Variants in DPP6 observed in about 807,000 individuals in gnomAD.
DPP6 encodes dipeptidyl peptidase like 6, also known as A-type potassium channel modulatory protein DPP6.
Under a neutral mutation model 122.6 loss-of-function variants are expected in DPP6, and 69 were observed. That is an observed-to-expected ratio of 0.56 (90% CI 0.46 to 0.69). DPP6 has a LOEUF of 0.69. Ranked by LOEUF, DPP6 falls within the 30% of genes least tolerant of loss-of-function variation. The pLI is 0.00. For missense variants in DPP6, 928 were observed against 1,116.9 expected (o/e 0.83, Z 2.41); for synonymous variants, 418 against 433.1 (o/e 0.97, Z 0.43).
rs116359758 is a variant in DPP6 at position 154,203,279 on chromosome 7, G to A, written c.243+150216G>A. Reference sequence around the variant, plus strand: ...AAATACAGGTGGGTAGTGGAATACGGAAACAATGATCCCATAAACCAGGCC... The same window carrying A: ...AAATACAGGTGGGTAGTGGAATACGAAAACAATGATCCCATAAACCAGGCC... On this transcript the variant is annotated intron_variant, in intron 1 of 25. Transcript: ENST00000377770. 3.8e-3 allele frequency among the ~76,000 whole-genome samples: 583 copies of A among 152,250 alleles called. 5 individuals are homozygous for A. Among genetic ancestry groups the A allele is most frequent in the African/African-American group, 0.013 (560 of 41,538 alleles).
intron 1 of DPP6, among the ~76,000 whole-genome samples, chr7:154,236,650 C>T (rs1206471461): frequency 1.3e-5 from 2 of 152,122 alleles, no homozygotes; most frequent in East Asian, 3.9e-4. Context: ...AATGTTTGGC[C>T]AATCCATTCC....
chr7:154,620,438 A>G (rs984196329), intron 5 of DPP6, among the ~76,000 whole-genome samples: 5 of 152,252 alleles, frequency 3.3e-5, no homozygotes, highest in Non-Finnish European at 7.3e-5. Context: ...GTGATTTCTC[A>G]AATGTTTTTG....
intron 1 of DPP6, among the ~76,000 whole-genome samples, chr7:153,890,855 C>CTT (rs11367327): frequency 8.0e-6 from 1 of 125,142 alleles, no homozygotes; most frequent in East Asian, 2.3e-4. Flanking sequence ...CCATGCCTGG[C>CTT]TTTTTTTTTT....
intron 1 of DPP6, among the ~76,000 whole-genome samples, chr7:154,148,854 C>T (rs1470594346): frequency 6.6e-6 from 1 of 152,130 alleles, no homozygotes; most frequent in Admixed American, 6.5e-5. Flanking sequence ...TTCTGGGGGA[C>T]AGTGCAGCCA....
chr7:154,365,227 T>A (rs989651020), intron 1 of DPP6, among the ~76,000 whole-genome samples: 3 of 152,130 alleles, frequency 2.0e-5, no homozygotes, highest in African/African-American at 7.2e-5. Flanking sequence ...AGCAGATACT[T>A]CTCTGGATTT....
At chr7:154,596,032 C>T (rs1005326587) in intron 5 of DPP6, among the ~76,000 whole-genome samples, 1 of 151,870 alleles carries the variant, frequency 6.6e-6, no homozygotes, top group Admixed American at 6.5e-5. Flanking sequence ...TACACTCCTG[C>T]CTGGGTGACA....
intron 11 of DPP6, 56 bp downstream of exon 11, chr7:154,794,258 C>T (rs1797871219): frequency 3.3e-6 from 5 of 1,509,076 alleles, no homozygotes; most frequent in South Asian, 1.3e-5. Context: ...TGGTCAGACG[C>T]GCCCGAGGTG....
At chr7:154,709,896 A>G (rs750668108) in intron 7 of DPP6, among the ~76,000 whole-genome samples, 5 of 152,204 alleles carry the variant, frequency 3.3e-5, no homozygotes, top group Admixed American at 6.5e-5. Flanking sequence ...GGCCTATGTC[A>G]GGGGCCTGAC....
At chr7:154,476,707 T>C (rs997408025) in intron 3 of DPP6, among the ~76,000 whole-genome samples, 3 of 152,156 alleles carry the variant, frequency 2.0e-5, no homozygotes, top group African/African-American at 7.2e-5. Context: ...AGAATGTTAG[T>C]CTTGCTAAAC....
At chr7:154,811,283 C>T in intron 16 of DPP6, among the ~76,000 whole-genome samples, 1 of 152,184 alleles carries the variant, frequency 6.6e-6, no homozygotes. Flanking sequence ...CTGTTTGAAC[C>T]TGGAAGCAGT....
At chr7:154,147,648 T>TTGTG (rs370147218) in intron 1 of DPP6, among the ~76,000 whole-genome samples, 89 of 146,476 alleles carry the variant, frequency 6.1e-4, no homozygotes, top group Admixed American at 4.8e-3. Flanking sequence ...CCCAGCTAAT[T>TTGTG]TGTGTGTGTG....
chr7:154,022,044 C>G (rs1310813823), intron 1 of DPP6, among the ~76,000 whole-genome samples: 1 of 152,088 alleles, frequency 6.6e-6, no homozygotes, highest in African/African-American at 2.4e-5. Flanking sequence ...AACTCCCCCT[C>G]TCAATGGGAG....
At chr7:153,926,208 C>A (rs912790944) in intron 1 of DPP6, among the ~76,000 whole-genome samples, 2 of 152,228 alleles carry the variant, frequency 1.3e-5, no homozygotes, top group African/African-American at 4.8e-5. Flanking sequence ...CGATCATGTA[C>A]ACCTTTCTAT....
intron 19 of DPP6, among the ~76,000 whole-genome samples, chr7:154,873,506 C>T (rs1308246938): frequency 1.3e-5 from 2 of 152,194 alleles, no homozygotes; most frequent in Non-Finnish European, 2.9e-5. Context: ...GCCAGTGCAA[C>T]TACCCCCTGA....
At chr7:154,580,176 T>C (rs61622446) in intron 5 of DPP6, among the ~76,000 whole-genome samples, 1,961 of 91,162 alleles carry the variant, frequency 0.022, 32 homozygotes, top group African/African-American at 0.05. Context: ...CACACACACA[T>C]GCACACATAC....
chr7:154,721,888 A>G (rs1255431137), intron 7 of DPP6, among the ~76,000 whole-genome samples: 1 of 152,068 alleles, frequency 6.6e-6, no homozygotes, highest in Non-Finnish European at 1.5e-5. Flanking sequence ...TCTATTGGCC[A>G]TGCACAGTGG....
intron 1 of DPP6, among the ~76,000 whole-genome samples, chr7:153,955,048 C>T (rs1269368968): frequency 4.6e-5 from 7 of 152,170 alleles, no homozygotes; most frequent in Admixed American, 4.6e-4. Flanking sequence ...CTCTGTTCGG[C>T]TAGCCAGCCT....
At chr7:154,063,267 C>G (rs866048740) in intron 1 of DPP6, among the ~76,000 whole-genome samples, 2 of 132,202 alleles carry the variant, frequency 1.5e-5, no homozygotes, top group African/African-American at 2.8e-5. Context: ...GCTCTTAGGA[C>G]CCCCATCGCA....
chr7:154,076,016 A>C (rs1425475645), intron 1 of DPP6, among the ~76,000 whole-genome samples: 1 of 151,532 alleles, frequency 6.6e-6, no homozygotes, highest in African/African-American at 2.4e-5. Context: ...ATGAACTTAT[A>C]ATCCAGTTAT....
Sources: gnomAD v4.1 joint callset for allele counts (sites outside exome capture counted in the v4.1 genomes callset) on GRCh38, gnomAD v4.1.1 for gene constraint, MANE v1.5 for transcripts, NCBI Gene and HGNC (gene_info 2026-07-23, HGNC 2026-07-21) for gene names.